The following FLT1 variants were observed in gnomAD, a reference collection of about 807,000 sequenced individuals.
FLT1 encodes the protein fms related receptor tyrosine kinase 1, also known as vascular endothelial growth factor receptor 1.
A neutral mutation model predicts 156.3 loss-of-function variants in FLT1; 49 were observed. The observed-to-expected ratio is 0.31, with a 90% CI of 0.25 to 0.40. The LOEUF is 0.40. Among genes scored for constraint, FLT1 ranks in the 10% least tolerant of loss-of-function variants. FLT1 has a pLI of 1.00. For missense variants in FLT1, 1,322 were observed against 1,637.2 expected, an observed-to-expected ratio of 0.81 and a Z score of 3.32; for synonymous variants, 594 against 583.8, an observed-to-expected ratio of 1.02 and a Z score of -0.25.
Position 28,412,385 on chromosome 13 carries a change from T to TTCTTTCTTTCTTTCTTTCTTTCTTTCC in FLT1, c.1437-6492_1437-6491insGGAAAGAAAGAAAGAAAGAAAGAAAGA, listed in dbSNP as rs1876326892. On this transcript the variant is annotated intron_variant, in intron 10 of 29. Transcript: ENST00000282397. ...CTTTCTTTCTTTCTTTCTTTCTTTC[T>TTCTTTCTTTCTTTCTTTCTTTCTTTCC]TTCTTTCTTTCTTTCTTTCTTTCTT... is the stretch of plus-strand genomic sequence containing the variant. Among the ~76,000 whole-genome samples, 17 of 84,940 alleles carry TTCTTTCTTTCTTTCTTTCTTTCTTTCC rather than the reference T, an allele frequency of 2.0e-4. 1 individual carries two copies. Among genetic ancestry groups the TTCTTTCTTTCTTTCTTTCTTTCTTTCC allele is most frequent in the African/African-American group, 6.0e-4 (16 of 26,744 alleles). The allele number at this position is 84,940 out of a possible 152,430, so 55.7% of individuals were successfully genotyped here. A position where few individuals can be genotyped will look rare whatever the true frequency, so the allele number is the denominator to read the frequency against.
At chr13:28,379,394 A>G (rs182424623) in intron 14 of FLT1, among the ~76,000 whole-genome samples, 1 of 152,336 alleles carries the variant, frequency 6.6e-6, no homozygotes, top group East Asian at 1.9e-4. Context: ...GTGAGAGGAA[A>G]GAGAATTTTT....
chr13:28,348,433 T>C (rs946503577), intron 15 of FLT1, among the ~76,000 whole-genome samples: 12 of 152,208 alleles, frequency 7.9e-5, no homozygotes, highest in African/African-American at 2.9e-4. Context: ...ACAGTTCTTA[T>C]AGTTTCTTAA....
At position 28,300,524 on chromosome 13, in the gene FLT1, CA is replaced by C. The variant is rs1870466442; in HGVS notation, c.*2642del. The C allele has an allele frequency of 2.9e-3, 40 of 13,818 alleles. No individual in the cohort carries two copies. The highest frequency in any genetic ancestry group is 0.028 in the Admixed American group (9 of 322). 0.9% of individuals were successfully genotyped at this position (13,818 alleles called of 1,614,324 possible). On this transcript the variant is annotated 3_prime_UTR_variant, in exon 30 of 30. Transcript: ENST00000282397. ...TATGCACAAAACACACATACACCCA[CA>C]CACACACACACACACACACACACAC...
At chr13:28,443,150 A>C (rs901557621) in intron 3 of FLT1, among the ~76,000 whole-genome samples, 2 of 152,216 alleles carry the variant, frequency 1.3e-5, no homozygotes, top group African/African-American at 4.8e-5. Flanking sequence ...CTTAGAGCTC[A>C]AAGCAGTGAC....
chr13:28,361,058 T>C (rs1173549401), intron 14 of FLT1, among the ~76,000 whole-genome samples: 1 of 152,064 alleles, frequency 6.6e-6, no homozygotes, highest in African/African-American at 2.4e-5. Context: ...GGTGGGTGGA[T>C]CATGAGGTCT....
chr13:28,386,328 TA>T, intron 13 of FLT1: 1 of 1,018,768 alleles, frequency 9.8e-7, no homozygotes, highest in Non-Finnish European at 1.2e-6. Context: ...TATTATCACA[TA>T]AATTTTATAA....
chr13:28,426,848 A>C (rs1255613166), intron 10 of FLT1, among the ~76,000 whole-genome samples: 1 of 152,218 alleles, frequency 6.6e-6, no homozygotes, highest in Non-Finnish European at 1.5e-5. Flanking sequence ...AGGGATCTTC[A>C]GTTGAGAAAC....
chr13:28,362,584 C>T (rs772174636), intron 14 of FLT1, among the ~76,000 whole-genome samples: 7 of 151,998 alleles, frequency 4.6e-5, no homozygotes, highest in Non-Finnish European at 7.4e-5. Context: ...TTTTGGAGGC[C>T]GAGGTGGGCA....
chr13:28,360,351 A>T (rs910393401), intron 14 of FLT1, among the ~76,000 whole-genome samples: 2 of 152,228 alleles, frequency 1.3e-5, no homozygotes, highest in African/African-American at 4.8e-5. Flanking sequence ...ACCCAAAGAA[A>T]TTGAAATCAA....
rs55675306 is a variant in FLT1, at chr13:28,405,857, G to A, written c.1474C>T (p.Leu492=). The stretch of plus-strand genomic sequence containing the variant: ...TTTCCCATGTTGCTGTCAGCATCCA[G>A]GATAAAGGACTCTTCATTATTGGAA... ...FCSNNEESFI[L]DADSNMGNRI... is the part of the protein sequence containing the mutation. Residue 492 remains leucine, a synonymous_variant, in exon 11 of 30, where the codon CTG becomes TTG. Coordinates refer to ENST00000282397, the MANE Select transcript of FLT1 (RefSeq NM_002019.4). The A allele has an allele frequency of 3.0e-3, 4,764 of 1,609,154 alleles. 129 individuals carry two copies. In the African/African-American group the frequency reaches 0.056, roughly 19 times the overall value.
rs949867988 is a variant in FLT1, at chr13:28,447,371, A to C, written c.389-9026T>G. On this transcript the variant is annotated intron_variant, in intron 3 of 29. Coordinates refer to ENST00000282397, the MANE Select transcript of FLT1 (RefSeq NM_002019.4). ...TTTTTTTTTAAAAATTTTTTTGTAG[A>C]GATAAGGGTTTCACTATGTTGCCAG... Among the ~76,000 whole-genome samples the C allele has an allele frequency of 3.3e-5, 5 of 151,530 alleles. No individual in the cohort carries two copies. In the South Asian group the frequency reaches 1.0e-3, roughly 32 times the overall value.
chr13:28,457,442 T>C (rs776334652), intron 3 of FLT1, among the ~76,000 whole-genome samples: 1 of 152,172 alleles, frequency 6.6e-6, no homozygotes, highest in Non-Finnish European at 1.5e-5. Flanking sequence ...AGCTTATTAA[T>C]TGACATTTGA....
intron 1 of FLT1, 45 bp downstream of exon 1, chr13:28,494,735 C>T (rs1208988531): frequency 1.4e-6 from 2 of 1,478,696 alleles, no homozygotes; most frequent in Admixed American, 2.0e-5. Flanking sequence ...CTCCGGCCGC[C>T]CCATCGCAGC....
At chr13:28,452,978 T>A (rs1201381268) in intron 3 of FLT1, among the ~76,000 whole-genome samples, 1 of 125,740 alleles carries the variant, frequency 8.0e-6, no homozygotes, top group African/African-American at 2.9e-5. Flanking sequence ...CTACCTTTAT[T>A]CCTGGTGCTA....
At chr13:28,456,168 T>C (rs909136119) in intron 3 of FLT1, among the ~76,000 whole-genome samples, 13 of 152,180 alleles carry the variant, frequency 8.5e-5, no homozygotes, top group African/African-American at 1.2e-4. Flanking sequence ...AACCTGCACA[T>C]GGATGTTTAT....
Position 28,334,137 on chromosome 13 carries a change from G to A in FLT1, c.2489-8C>T. On this transcript the variant is annotated splice_polypyrimidine_tract_variant and splice_region_variant and intron_variant, in intron 17 of 29. Transcript: ENST00000282397. ...CTCTTCCAAGTGATTTGCCTGTAAT[G>A]AAGAGAAGACACTGGTTTGTTTGCC... is the stretch of plus-strand genomic sequence containing the variant. 2 of 1,587,076 alleles carry A rather than the reference G, an allele frequency of 1.3e-6. No individual in the cohort carries two copies. Among genetic ancestry groups the A allele is most frequent in the South Asian group, 1.1e-5 (1 of 90,554 alleles).
In FLT1 at chr13:28,308,923, C is replaced by T. The variant is rs758710745; in HGVS notation, c.3640G>A (p.Val1214Ile). 8 of 1,594,828 alleles carry T rather than the reference C, an allele frequency of 5.0e-6. No individual in the cohort carries two copies. In the African/African-American group the frequency reaches 6.7e-5, roughly 13 times the overall value. The change falls in exon 28 of 30, where the codon GTA becomes ATA. Residue 1214 changes from valine to isoleucine, a missense_variant. Val to Ile is a conservative substitution (Grantham distance 29, BLOSUM62 3). Transcript: ENST00000282397. ...NSGSSDDVRY[V>I]NAFKFMSLER... ...AGGCTCATGAACTTGAAAGCATTTA[C>T]GTATCTAATGAAGAAACAGAAAGAA...
At position 28,433,795 on chromosome 13, in the gene FLT1, G is replaced by C. The variant is rs538132574; in HGVS notation, c.813+24C>G. The C allele has an allele frequency of 3.1e-6, 5 of 1,611,296 alleles. No individual in the cohort carries two copies. The African/African-American group carries it at 6.7e-5, about 21-fold the overall frequency. On this transcript the variant is annotated intron_variant, in intron 6 of 29. Transcript: ENST00000282397. ...TTGCTTAAAATACTGTCCTGCAGAA[G>C]AAATAGAAAAATGGGTCACTCACTT...
chr13:28,438,474 A>G (rs958754106), intron 3 of FLT1, 129 bp from the exon 4 acceptor site: 1 of 728,642 alleles, frequency 1.4e-6, no homozygotes, highest in East Asian at 2.7e-5. Context: ...TAATCCATAC[A>G]TTCACATCTT....
Sources: gnomAD v4.1 joint callset for allele counts (sites outside exome capture counted in the v4.1 genomes callset) on GRCh38, gnomAD v4.1.1 for gene constraint, MANE v1.5 for transcripts, NCBI Gene and HGNC (gene_info 2026-07-23, HGNC 2026-07-21) for gene names.